The following HNRNPA1L2 variants were observed in gnomAD, a reference collection of about 807,000 sequenced individuals.
The protein encoded by HNRNPA1L2 is heterogeneous nuclear ribonucleoprotein A1 like 2.
HNRNPA1L2 carries 10 observed loss-of-function variants against 18.2 expected under a neutral mutation model. That is an observed-to-expected ratio of 0.55 (90% CI 0.34 to 0.93). HNRNPA1L2 has a LOEUF of 0.93. Ranked by LOEUF, HNRNPA1L2 falls within the 40% of genes least tolerant of loss-of-function variation. The probability of loss-of-function intolerance (pLI) is 0.02; values close to 1 mark genes in which losing one functional copy is unlikely to be tolerated. For synonymous variants in HNRNPA1L2, 124 were observed against 138.6 expected, an observed-to-expected ratio of 0.89 and a Z score of 0.74; for missense variants, 308 against 394.4, an observed-to-expected ratio of 0.78 and a Z score of 1.85.
At chr13:52,639,145 T>TTAGTAGA (rs1961560414), upstream of HNRNPA1L2, among the ~76,000 whole-genome samples, 1 of 152,176 alleles carries the variant, frequency 6.6e-6, no homozygotes, top group Non-Finnish European at 1.5e-5. Context: ...CGATGCACAT[T>TTAGTAGA]CAGTAGAAAG....
chr13:52,630,919 A>G, the HNRNPA1L2 span, among the ~76,000 whole-genome samples: 1 of 152,188 alleles, frequency 6.6e-6, no homozygotes, highest in African/African-American at 2.4e-5. Context: ...CTTGCATATA[A>G]TACTGTGCAG....
At chr13:52,619,008 C>CT in the HNRNPA1L2 span, among the ~76,000 whole-genome samples, 1 of 152,148 alleles carries the variant, frequency 6.6e-6, no homozygotes, top group Non-Finnish European at 1.5e-5. Context: ...TTAATATTAA[C>CT]TTTATTTTCT....
the HNRNPA1L2 span, among the ~76,000 whole-genome samples, chr13:52,629,830 C>A: frequency 6.6e-6 from 1 of 152,162 alleles, no homozygotes; most frequent in African/African-American, 2.4e-5. Context: ...TGGCTCACGC[C>A]TGTAATCCCA....
the HNRNPA1L2 span, among the ~76,000 whole-genome samples, chr13:52,626,976 G>T: frequency 6.6e-6 from 1 of 152,076 alleles, no homozygotes; most frequent in Non-Finnish European, 1.5e-5. Flanking sequence ...ATATCTGTGA[G>T]AATCATTCAT....
the HNRNPA1L2 span, among the ~76,000 whole-genome samples, chr13:52,619,883 T>G: frequency 7.6e-6 from 1 of 131,220 alleles, no homozygotes; most frequent in Non-Finnish European, 1.5e-5. Context: ...ATCGCGCCAC[T>G]GCACTCTAGC....
chr13:52,642,103 C>T, upstream of HNRNPA1L2: 1 of 192,726 alleles, frequency 5.2e-6, no homozygotes. Context: ...ATGCATGGCC[C>T]AATTGGCTAG....
the HNRNPA1L2 span, among the ~76,000 whole-genome samples, chr13:52,628,395 T>C: frequency 6.6e-6 from 1 of 152,068 alleles, no homozygotes; most frequent in East Asian, 1.9e-4. Context: ...TGAGTTAAGA[T>C]AGGCACCACT....
At chr13:52,621,803 A>G in the HNRNPA1L2 span, among the ~76,000 whole-genome samples, 1 of 152,184 alleles carries the variant, frequency 6.6e-6, no homozygotes, top group Non-Finnish European at 1.5e-5. Flanking sequence ...TGCATAAAAC[A>G]TATTGCACGA....
At chr13:52,620,516 C>G in the HNRNPA1L2 span, among the ~76,000 whole-genome samples, 2 of 152,222 alleles carry the variant, frequency 1.3e-5, no homozygotes, top group Non-Finnish European at 2.9e-5. Flanking sequence ...CACCTGGGAG[C>G]TTGTTAGAAA....
At chr13:52,637,379 G>A in the HNRNPA1L2 span, 1 of 237,346 alleles carries the variant, frequency 4.2e-6, no homozygotes, top group Non-Finnish European at 8.9e-6. Flanking sequence ...CCTTGAGAAT[G>A]AGATTGAAGA....
At chr13:52,642,285 A>G, upstream of HNRNPA1L2, 1 of 659,538 alleles carries the variant, frequency 1.5e-6, no homozygotes, top group South Asian at 2.1e-5. Context: ...GAAGTATCCT[A>G]CTGTTATGTA....
the HNRNPA1L2 span, among the ~76,000 whole-genome samples, chr13:52,635,496 A>T: frequency 3.9e-5 from 6 of 152,068 alleles, no homozygotes; most frequent in Non-Finnish European, 8.8e-5. Context: ...TTTAGAATAT[A>T]TAACTTGACT....
the HNRNPA1L2 span, among the ~76,000 whole-genome samples, chr13:52,618,020 C>A: frequency 6.6e-6 from 1 of 152,174 alleles, no homozygotes; most frequent in Non-Finnish European, 1.5e-5. Context: ...ATTTCTGTTT[C>A]CTTCATTTAT....
chr13:52,635,632 CA>C, the HNRNPA1L2 span, among the ~76,000 whole-genome samples: 1 of 150,650 alleles, frequency 6.6e-6, no homozygotes. Context: ...ACAATGCAGG[CA>C]ACCACTGATC....
the HNRNPA1L2 span, among the ~76,000 whole-genome samples, chr13:52,620,598 T>A: frequency 6.6e-6 from 1 of 152,184 alleles, no homozygotes; most frequent in Non-Finnish European, 1.5e-5. Context: ...AGAATCTGTA[T>A]TTTAGCAAGG....
In HNRNPA1L2 at chr13:52,642,829, A is replaced by G. The variant is rs1457316367; in HGVS notation, c.337A>G (p.Lys113Glu). Residue 113 changes from lysine to glutamate, a missense_variant, in exon 1 of 1, where the codon AAA becomes GAA. Physicochemically the swap from Lys to Glu is moderately conservative, Grantham distance 56 (BLOSUM62 1). Transcript: ENST00000357495. ...TVKKIFVGGI[K>E]EDTEEHHLRD... ...GAAAAAGATATTTGTTGGTGGCATTAAAGAAGACACTGAAGAACATCACCT... is the reference window on the plus strand; with the variant it reads ...GAAAAAGATATTTGTTGGTGGCATTGAAGAAGACACTGAAGAACATCACCT... 4.7e-5 allele frequency: 75 copies of G among 1,596,324 alleles called. No individual in the cohort carries two copies. In the Admixed American group the frequency reaches 1.3e-3, roughly 27 times the overall value.
the HNRNPA1L2 span, among the ~76,000 whole-genome samples, chr13:52,624,979 C>T: frequency 5.9e-5 from 9 of 151,590 alleles, no homozygotes; most frequent in Non-Finnish European, 1.3e-4. Context: ...TGCAGTGAGC[C>T]GAGATTGTGC....
At position 52,642,952 on chromosome 13, in the gene HNRNPA1L2, G is replaced by A. The variant is rs1401866897; in HGVS notation, c.460G>A (p.Asp154Asn). ...KKRGFAFVTF[D>N]DHDSVDKIVI... ...AAGGGGCTTTGCCTTTGTAACCTTT[G>A]ACGACCATGACTCCGTGGATAAGAT... is the stretch of plus-strand genomic sequence containing the variant. Residue 154 changes from aspartate to asparagine, a missense_variant, in exon 1 of 1, where the codon GAC (aspartate) becomes AAC (asparagine). Asp to Asn is a conservative substitution (Grantham distance 23). Transcript: ENST00000357495. 6.3e-7 allele frequency: 1 copy of A among 1,597,218 alleles called. No individual in the cohort carries two copies. The highest frequency in any genetic ancestry group is 1.7e-5 in the Admixed American group (1 of 60,018).
In HNRNPA1L2 at chr13:52,642,955, G is replaced by A. The variant is rs758400589; in HGVS notation, c.463G>A (p.Asp155Asn). 2.9e-5 allele frequency: 47 copies of A among 1,597,188 alleles called. No homozygotes were observed. The highest frequency in any genetic ancestry group is 1.9e-4 in the African/African-American group (14 of 74,970). Residue 155 changes from aspartate (D) to asparagine (N), a missense_variant, in exon 1 of 1, where the codon GAC becomes AAC. Physicochemically the swap from Asp to Asn is conservative, Grantham distance 23. Coordinates refer to ENST00000357495, the MANE Select transcript of HNRNPA1L2 (RefSeq NM_001389320.1). ...GGGCTTTGCCTTTGTAACCTTTGAC[G>A]ACCATGACTCCGTGGATAAGATTGT... is the stretch of plus-strand genomic sequence containing the variant. ...KRGFAFVTFD[D>N]HDSVDKIVIQ...
Sources: allele counts gnomAD v4.1 joint callset (sites outside exome capture counted in the v4.1 genomes callset), GRCh38; gene constraint gnomAD v4.1.1; transcripts MANE v1.5; gene names NCBI Gene and HGNC (gene_info 2026-07-23, HGNC 2026-07-21).